CARMIL1: variants seen among roughly 807,000 people sequenced by gnomAD.
CARMIL1 encodes the protein capping protein regulator and myosin 1 linker 1.
Under a neutral mutation model 177.1 loss-of-function variants are expected in CARMIL1, and 90 were observed. The ratio of observed to expected loss-of-function variants is 0.51; its 90% CI spans 0.43 to 0.61. The LOEUF is 0.61. Ranked by LOEUF, CARMIL1 falls within the 20% of genes least tolerant of loss-of-function variation. CARMIL1 has a pLI of 0.00. For synonymous variants in CARMIL1, 577 were observed against 606.2 expected (o/e 0.95, Z 0.71); for missense variants, 1,380 against 1,667.0 (o/e 0.83, Z 3.00).
rs145250869 is a variant in CARMIL1 at position 25,331,401 on chromosome 6, G to A, written c.138+46492G>A. On this transcript the variant is annotated intron_variant, in intron 2 of 36. Transcript: ENST00000329474. ...GCTAAAGAGATTTTGTGGGTACTAAGTTCTATTAAAATTTAGTTCAGGCTG... is the reference window on the plus strand; with the variant it reads ...GCTAAAGAGATTTTGTGGGTACTAAATTCTATTAAAATTTAGTTCAGGCTG... 3.5e-4 allele frequency among the ~76,000 whole-genome samples: 53 copies of A among 152,294 alleles called. 1 individual carries two copies. The East Asian group carries it at 0.01, about 29-fold the overall frequency.
chr6:25,571,178 A>G (rs1812034840), intron 29 of CARMIL1, among the ~76,000 whole-genome samples: 1 of 152,184 alleles, frequency 6.6e-6, no homozygotes, highest in African/African-American at 2.4e-5. Flanking sequence ...TAGGTCTAGG[A>G]TATTTTATAT....
At chr6:25,342,470 C>G (rs1339492952) in intron 2 of CARMIL1, among the ~76,000 whole-genome samples, 2 of 152,118 alleles carry the variant, frequency 1.3e-5, no homozygotes, top group Non-Finnish European at 2.9e-5. Context: ...TTGGGATAGG[C>G]CTACCTGGGT....
At chr6:25,430,366 G>A (rs926897820) in intron 4 of CARMIL1, among the ~76,000 whole-genome samples, 2 of 148,828 alleles carry the variant, frequency 1.3e-5, no homozygotes, top group African/African-American at 4.9e-5. Flanking sequence ...ATTAATTTTT[G>A]TCTTAAATGT....
intron 29 of CARMIL1, among the ~76,000 whole-genome samples, chr6:25,573,318 A>G (rs1812272958): frequency 6.6e-6 from 1 of 152,190 alleles, no homozygotes; most frequent in Non-Finnish European, 1.5e-5. Context: ...TTTCATTAAA[A>G]TGAAAAAAAT....
chr6:25,370,686 G>A (rs9461145), intron 2 of CARMIL1, among the ~76,000 whole-genome samples: 5,240 of 152,206 alleles, frequency 0.034, 250 homozygotes, highest in African/African-American at 0.1. Flanking sequence ...CACTTAGGAA[G>A]TGGAAAGTCT....
intron 2 of CARMIL1, among the ~76,000 whole-genome samples, chr6:25,315,669 C>G (rs1784220439): frequency 6.6e-6 from 1 of 152,244 alleles, no homozygotes; most frequent in Non-Finnish European, 1.5e-5. Flanking sequence ...CTTAGTTTCA[C>G]ACTGTTGTCA....
intron 2 of CARMIL1, among the ~76,000 whole-genome samples, chr6:25,304,162 C>A (rs1783081211): frequency 6.6e-6 from 1 of 152,176 alleles, no homozygotes; most frequent in Non-Finnish European, 1.5e-5. Context: ...AGATTTATTA[C>A]CTATGGTTCT....
chr6:25,437,718 T>C (rs1797355109), intron 5 of CARMIL1, among the ~76,000 whole-genome samples: 1 of 152,220 alleles, frequency 6.6e-6, no homozygotes, highest in Non-Finnish European at 1.5e-5. Context: ...TTAATGGCAT[T>C]GTTGTTCACA....
intron 5 of CARMIL1, among the ~76,000 whole-genome samples, chr6:25,446,947 A>T (rs56365381): frequency 1.3e-5 from 2 of 152,336 alleles, no homozygotes; most frequent in Non-Finnish European, 2.9e-5. Flanking sequence ...ACTTTTAAGT[A>T]GCTAAGTTTG....
At chr6:25,497,184 CTG>C (rs1562216947) in intron 16 of CARMIL1, among the ~76,000 whole-genome samples, 1 of 152,060 alleles carries the variant, frequency 6.6e-6, no homozygotes, top group Non-Finnish European at 1.5e-5. Context: ...TAACACAAAA[CTG>C]AAGTTCTCAG....
chr6:25,441,461 G>A (rs1797784455), intron 5 of CARMIL1, among the ~76,000 whole-genome samples: 1 of 150,134 alleles, frequency 6.7e-6, no homozygotes, highest in African/African-American at 2.5e-5. Flanking sequence ...AAAATTTGTA[G>A]TATTTACATG....
chr6:25,318,122 T>A (rs140529121), intron 2 of CARMIL1, among the ~76,000 whole-genome samples: 5 of 152,252 alleles, frequency 3.3e-5, no homozygotes, highest in Middle Eastern at 3.4e-3. Flanking sequence ...TGTTCTCAGT[T>A]CAGAGTTGAG....
intron 2 of CARMIL1, among the ~76,000 whole-genome samples, chr6:25,318,539 C>T (rs1429023531): frequency 6.6e-6 from 1 of 152,180 alleles, no homozygotes; most frequent in Non-Finnish European, 1.5e-5. Flanking sequence ...TGTGAAGTGG[C>T]TGCAGAAGGC....
At chr6:25,538,519 C>T (rs1398872441) in intron 25 of CARMIL1, among the ~76,000 whole-genome samples, 1 of 152,074 alleles carries the variant, frequency 6.6e-6, no homozygotes, top group African/African-American at 2.4e-5. Context: ...TATATTTGGT[C>T]TTTGTTCCCA....
chr6:25,538,243 C>T (rs212935), intron 25 of CARMIL1, among the ~76,000 whole-genome samples: 15,252 of 152,132 alleles, frequency 0.1, 986 homozygotes, highest in South Asian at 0.16. Context: ...AGGGAGCTGT[C>T]GTTTAAATGA....
intron 2 of CARMIL1, among the ~76,000 whole-genome samples, chr6:25,419,606 G>T (rs1000524557): frequency 6.6e-6 from 1 of 152,198 alleles, no homozygotes; most frequent in Admixed American, 6.5e-5. Context: ...CAAAGTTAGG[G>T]ATGATTTTTT....
chr6:25,619,077 G>C (rs936185436), intron 36 of CARMIL1, among the ~76,000 whole-genome samples: 4 of 152,156 alleles, frequency 2.6e-5, no homozygotes, highest in Non-Finnish European at 5.9e-5. Flanking sequence ...TGAGGGGGCA[G>C]CTATGACTGA....
intron 16 of CARMIL1, among the ~76,000 whole-genome samples, chr6:25,495,493 T>C (rs1040550332): frequency 6.6e-6 from 1 of 152,064 alleles, no homozygotes. Context: ...ACTATTGCTT[T>C]TATATTAACC....
chr6:25,343,316 C>G (rs892490034), intron 2 of CARMIL1, among the ~76,000 whole-genome samples: 1 of 135,442 alleles, frequency 7.4e-6, no homozygotes, highest in Non-Finnish European at 1.6e-5. Flanking sequence ...AGTATTTTTG[C>G]TTTTTTTTTT....
Sources: allele counts gnomAD v4.1 joint callset (sites outside exome capture counted in the v4.1 genomes callset), GRCh38; gene constraint gnomAD v4.1.1; transcripts MANE v1.5; gene names NCBI Gene and HGNC (gene_info 2026-07-23, HGNC 2026-07-21).